Variants in SPAG16 observed in about 807,000 individuals in gnomAD.
The protein encoded by SPAG16 is sperm-associated antigen 16 protein.
A neutral mutation model predicts 80.4 loss-of-function variants in SPAG16; 86 were observed. The observed-to-expected ratio is 1.07, with a 90% CI of 0.90 to 1.28. The LOEUF (loss-of-function observed/expected upper bound fraction) is 1.28, where lower values mean the gene tolerates loss of function less well. Among genes scored for constraint, SPAG16 ranks in the 50% most tolerant of loss-of-function variants. The pLI, the probability that SPAG16 is intolerant of heterozygous loss-of-function variation, is 0.00. For synonymous variants in SPAG16, 294 were observed against 265.9 expected, an observed-to-expected ratio of 1.11 and a Z score of -1.03; for missense variants, 870 against 765.3, an observed-to-expected ratio of 1.14 and a Z score of -1.61.
At chr2:214,268,201 C>T (rs1691726556) in intron 15 of SPAG16, among the ~76,000 whole-genome samples, 1 of 151,766 alleles carries the variant, frequency 6.6e-6, no homozygotes, top group African/African-American at 2.4e-5. Context: ...AAAGGGAACC[C>T]TCATACACTG....
intron 10 of SPAG16, among the ~76,000 whole-genome samples, chr2:213,719,425 C>G (rs111430223): frequency 5.9e-5 from 9 of 151,850 alleles, no homozygotes; most frequent in Non-Finnish European, 1.0e-4. Flanking sequence ...ACCTGTGTGT[C>G]GAATCTCTGT....
At chr2:213,461,673 A>G (rs1190514357) in intron 9 of SPAG16, among the ~76,000 whole-genome samples, 2 of 152,232 alleles carry the variant, frequency 1.3e-5, no homozygotes, top group Non-Finnish European at 2.9e-5. Flanking sequence ...AATCAAAATC[A>G]TGAAAGCAAG....
At chr2:214,068,986 T>C (rs2050657852) in intron 13 of SPAG16, among the ~76,000 whole-genome samples, 2 of 152,236 alleles carry the variant, frequency 1.3e-5, no homozygotes, top group East Asian at 3.9e-4. Context: ...TCTAAAGACA[T>C]GCCACTTAGG....
chr2:213,879,422 CAT>C (rs1225129678), intron 11 of SPAG16, among the ~76,000 whole-genome samples: 4 of 151,128 alleles, frequency 2.6e-5, no homozygotes, highest in Non-Finnish European at 4.4e-5. Context: ...CACACACACA[CAT>C]ATTTGTAGCT....
rs369707564 is a variant in SPAG16 at position 214,206,070 on chromosome 2, C to G, written c.1720+56804C>G. Among the ~76,000 whole-genome samples, 32 of 152,176 alleles carry G rather than the reference C, an allele frequency of 2.1e-4. No homozygotes were observed. The South Asian group carries it at 6.4e-3, about 31-fold the overall frequency. ...AAATAGCTAGGTGTGGTGGCATACG[C>G]CTGTAGTCCCACATAATCAGGAGGC... is the stretch of plus-strand genomic sequence containing the variant. On this transcript the variant is annotated intron_variant, in intron 15 of 15. Transcript: ENST00000331683.
At chr2:213,772,982 A>T (rs896306710) in intron 10 of SPAG16, among the ~76,000 whole-genome samples, 1 of 150,854 alleles carries the variant, frequency 6.6e-6, no homozygotes, top group Non-Finnish European at 1.5e-5. Flanking sequence ...GTTCTATTTT[A>T]CTTATTCTTT....
At chr2:214,027,374 C>T (rs762007765) in intron 13 of SPAG16, among the ~76,000 whole-genome samples, 37 of 151,516 alleles carry the variant, frequency 2.4e-4, no homozygotes, top group Non-Finnish European at 4.6e-4. Context: ...ATAGATGTAT[C>T]ACTGTTTGCT....
intron 15 of SPAG16, among the ~76,000 whole-genome samples, chr2:214,220,464 G>GT (rs2058538259): frequency 1.3e-5 from 2 of 152,098 alleles, no homozygotes; most frequent in Non-Finnish European, 2.9e-5. Context: ...TTTTTAATCA[G>GT]TAAGATTTGT....
chr2:213,400,993 A>G (rs948122922), intron 9 of SPAG16, among the ~76,000 whole-genome samples: 2 of 151,938 alleles, frequency 1.3e-5, no homozygotes, highest in African/African-American at 4.8e-5. Flanking sequence ...TTTTTTTGTC[A>G]AGATAGAGTT....
At chr2:214,348,936 C>T (rs932255971) in intron 15 of SPAG16, among the ~76,000 whole-genome samples, 1 of 152,114 alleles carries the variant, frequency 6.6e-6, no homozygotes, top group African/African-American at 2.4e-5. Flanking sequence ...TTTATACATT[C>T]TGGCTATAAG....
intron 10 of SPAG16, among the ~76,000 whole-genome samples, chr2:213,630,420 G>A (rs2062107476): frequency 1.3e-5 from 2 of 151,590 alleles, no homozygotes; most frequent in African/African-American, 2.4e-5. Context: ...CTTCACAGAT[G>A]AACTGATATT....
chr2:214,293,518 C>G (rs1194391698), intron 15 of SPAG16, among the ~76,000 whole-genome samples: 1 of 152,110 alleles, frequency 6.6e-6, no homozygotes, highest in Non-Finnish European at 1.5e-5. Flanking sequence ...TCATCAGGAC[C>G]CCTGGTAGTA....
chr2:214,232,210 A>G (rs1576553741), intron 15 of SPAG16, among the ~76,000 whole-genome samples: 1 of 152,080 alleles, frequency 6.6e-6, no homozygotes, highest in Middle Eastern at 3.4e-3. Flanking sequence ...GGTAGATGCT[A>G]TTTATTCTTT....
chr2:213,677,237 A>T (rs1173586268), intron 10 of SPAG16, among the ~76,000 whole-genome samples: 1 of 152,170 alleles, frequency 6.6e-6, no homozygotes, highest in African/African-American at 2.4e-5. Context: ...AGCTAACATC[A>T]TAATGACAGG....
intron 10 of SPAG16, among the ~76,000 whole-genome samples, chr2:213,766,518 G>T (rs1000722550): frequency 6.6e-6 from 1 of 152,208 alleles, no homozygotes; most frequent in East Asian, 1.9e-4. Context: ...AAAGCCACAA[G>T]TCGAAAATGA....
At chr2:214,191,320 C>T (rs1326891036) in intron 15 of SPAG16, among the ~76,000 whole-genome samples, 1 of 152,094 alleles carries the variant, frequency 6.6e-6, no homozygotes, top group African/African-American at 2.4e-5. Context: ...TTTCAAATTG[C>T]CCCTTCGTTG....
intron 10 of SPAG16, among the ~76,000 whole-genome samples, chr2:213,752,007 C>G (rs900811128): frequency 1.2e-4 from 18 of 152,114 alleles, no homozygotes; most frequent in African/African-American, 4.3e-4. Flanking sequence ...AAGGTGATAC[C>G]TATAATTAAA....
intron 12 of SPAG16, among the ~76,000 whole-genome samples, chr2:213,964,609 C>A (rs1233721126): frequency 6.6e-6 from 1 of 151,924 alleles, no homozygotes. Flanking sequence ...CTTTTGGGAT[C>A]CCCTGTACAT....
chr2:213,559,136 G>C (rs2059523486), intron 10 of SPAG16, among the ~76,000 whole-genome samples: 1 of 151,982 alleles, frequency 6.6e-6, no homozygotes, highest in Non-Finnish European at 1.5e-5. Flanking sequence ...TTATTCTTTT[G>C]ACGCAATAAG....
Sources: gnomAD v4.1 joint callset for allele counts (sites outside exome capture counted in the v4.1 genomes callset) on GRCh38, gnomAD v4.1.1 for gene constraint, MANE v1.5 for transcripts, NCBI Gene and HGNC (gene_info 2026-07-23, HGNC 2026-07-21) for gene names.